TACC1: variants seen among roughly 807,000 people sequenced by gnomAD.
TACC1 encodes transforming acidic coiled-coil-containing protein 1.
Under a neutral mutation model 84.4 loss-of-function variants are expected in TACC1, and 48 were observed. The ratio of observed to expected loss-of-function variants is 0.57; its 90% confidence interval spans 0.45 to 0.72. The LOEUF (loss-of-function observed/expected upper bound fraction) is 0.72. TACC1 is among the 30% of genes least tolerant of loss of function. The pLI, the probability that TACC1 is intolerant of heterozygous loss-of-function variation, is 0.00. For missense variants in TACC1, 920 were observed against 973.0 expected, an observed-to-expected ratio of 0.95 and a Z score of 0.72; for synonymous variants, 372 against 376.3, an observed-to-expected ratio of 0.99 and a Z score of 0.13.
chr8:38,835,713 C>T (rs1406842636), intron 6 of TACC1, among the ~76,000 whole-genome samples: 1 of 152,260 alleles, frequency 6.6e-6, no homozygotes, highest in African/African-American at 2.4e-5. Flanking sequence ...ACATTTCCAT[C>T]TGCAGTGGCT....
At chr8:38,770,496 C>T (rs1468452877) in intron 3 of TACC1, among the ~76,000 whole-genome samples, 3 of 152,082 alleles carry the variant, frequency 2.0e-5, no homozygotes, top group African/African-American at 7.2e-5. Flanking sequence ...TAGTTGAGCT[C>T]TCTTCCACTT....
chr8:38,841,476 A>C (rs1414189267), intron 9 of TACC1, among the ~76,000 whole-genome samples: 1 of 152,232 alleles, frequency 6.6e-6, no homozygotes, highest in Non-Finnish European at 1.5e-5. Context: ...GTCAGCTGAG[A>C]GCGTGCATAT....
intron 2 of TACC1, chr8:38,802,082 A>C (rs921383667): frequency 2.0e-5 from 3 of 152,052 alleles, no homozygotes; most frequent in African/African-American, 7.3e-5. Flanking sequence ...GGTAATTTTT[A>C]AATTATTTGT....
chr8:38,757,366 C>G (rs1213674938), intron 3 of TACC1: 3 of 1,263,780 alleles, frequency 2.4e-6, no homozygotes, highest in Non-Finnish European at 3.1e-6. Context: ...CCCGAGGGGC[C>G]GGGAACCCGC....
intron 3 of TACC1, chr8:38,757,381 G>A (rs1193635146): frequency 7.9e-7 from 1 of 1,261,616 alleles, no homozygotes; most frequent in African/African-American, 1.6e-5. Flanking sequence ...ACCCGCCGGG[G>A]AGAGGCACCC....
intron 3 of TACC1, among the ~76,000 whole-genome samples, chr8:38,776,231 T>C (rs1188217861): frequency 6.6e-6 from 1 of 152,234 alleles, no homozygotes; most frequent in Non-Finnish European, 1.5e-5. Context: ...TTTGTCCACA[T>C]CAGTCATCTT....
In TACC1 at chr8:38,846,730, A is replaced by C. The variant is rs1395139491; in HGVS notation, c.2260A>C (p.Lys754Gln). 2 of 1,614,210 alleles carry C rather than the reference A, an allele frequency of 1.2e-6. No individual in the cohort carries two copies. The highest frequency in any genetic ancestry group is 1.7e-6 in the Non-Finnish European group (2 of 1,180,040). The change falls in exon 12 of 13, where the codon AAA (lysine) becomes CAA (glutamine). Residue 754 changes from lysine (K) to glutamine (Q), a missense_variant. Lys to Gln is a moderately conservative substitution (Grantham distance 53). This residue lies in a region of TACC1 where 158 missense variants were observed against 225.6 expected (regional missense o/e 0.70). Transcript: ENST00000317827. Reference protein sequence around the residue: ...ANEEIAQVRTKAKAESAALHA... With the variant: ...ANEEIAQVRTQAKAESAALHA... ...TGAAGAGATTGCTCAGGTTCGAACA[A>C]AAGCAAAGGCTGAGAGTGCAGCTCT...
Position 38,781,986 on chromosome 8 carries a change from T to A in TACC1, c.27-6718T>A, listed in dbSNP as rs944967806. Among the ~76,000 whole-genome samples, 114 of 150,606 alleles carry A rather than the reference T, an allele frequency of 7.6e-4. 2 individuals carry two copies. The highest frequency in any genetic ancestry group is 7.3e-3 in the Admixed American group (111 of 15,258). On this transcript the variant is annotated intron_variant, in intron 3 of 14. Transcript: ENST00000518415. ...CATTCTTGTAAATCTTTATTTTTTT[T>A]ATTTTTTATTATTTTTTTTTGCAGA...
chr8:38,825,438 G>T (rs1329834003), intron 4 of TACC1, 70 bp downstream of exon 4: 2 of 1,577,026 alleles, frequency 1.3e-6, no homozygotes, highest in East Asian at 2.2e-5. Flanking sequence ...GCATCCCCCT[G>T]GCGGGTGGTT....
intron 3 of TACC1, among the ~76,000 whole-genome samples, chr8:38,776,739 C>T (rs577631816): frequency 6.6e-6 from 1 of 152,304 alleles, no homozygotes; most frequent in Non-Finnish European, 1.5e-5. Flanking sequence ...ATTAGGGATG[C>T]TCAACCTGTG....
exon 3 of TACC1, chr8:38,745,259 AAC>A (rs1807845633): frequency 2.1e-6 from 1 of 480,208 alleles, no homozygotes; most frequent in Non-Finnish European, 3.7e-6. Flanking sequence ...CCTCCCCAGA[AAC>A]AGAGCTCGCA....
At chr8:38,734,120 C>T (rs959160814) in intron 1 of TACC1, among the ~76,000 whole-genome samples, 2 of 152,130 alleles carry the variant, frequency 1.3e-5, no homozygotes, top group Non-Finnish European at 2.9e-5. Flanking sequence ...GGAGGGCTTC[C>T]ACATCTTCTG....
intron 9 of TACC1, chr8:38,840,512 C>T: frequency 3.1e-6 from 1 of 325,308 alleles, no homozygotes; most frequent in East Asian, 5.3e-5. Flanking sequence ...GACATAATCA[C>T]CTCCCAAATT....
intron 7 of TACC1, among the ~76,000 whole-genome samples, chr8:38,838,058 T>C (rs1168026102): frequency 6.6e-6 from 1 of 152,268 alleles, no homozygotes. Flanking sequence ...GGTCTGACTT[T>C]GTGGCAGTTT....
rs1297937636 is a variant in TACC1 at position 38,849,964 on chromosome 8, T to A, written c.*1941T>A. ...GCATTTTGCAGAAAGAAACATTGAT[T>A]GCTAAATCTTTTTGCTGCTGTGTTT... On this transcript the variant is annotated 3_prime_UTR_variant, in exon 13 of 13. Coordinates refer to ENST00000317827, the MANE Select transcript of TACC1 (RefSeq NM_006283.3). 6.5e-6 allele frequency: 1 copy of A among 152,684 alleles called. No homozygotes were observed. The highest frequency in any genetic ancestry group is 1.5e-5 in the Non-Finnish European group (1 of 68,046). The allele number at this position is 152,684 out of a possible 1,614,324, so 9.5% of individuals were successfully genotyped here. A position where few individuals can be genotyped will look rare whatever the true frequency, so the allele number is the denominator to read the frequency against.
intron 1 of TACC1, among the ~76,000 whole-genome samples, chr8:38,729,869 A>C (rs1309240170): frequency 1.6e-5 from 2 of 123,292 alleles, no homozygotes; most frequent in East Asian, 3.9e-4. Flanking sequence ...ACTGTCTCAA[A>C]AAAGAAAAGA....
At chr8:38,811,792 C>T (rs866972905) in intron 2 of TACC1, among the ~76,000 whole-genome samples, 41 of 152,192 alleles carry the variant, frequency 2.7e-4, no homozygotes, top group Admixed American at 1.1e-3. Flanking sequence ...AGCGATTTTC[C>T]GGGAACAAGG....
At chr8:38,762,236 C>T (rs1811349005) in intron 3 of TACC1, among the ~76,000 whole-genome samples, 1 of 152,140 alleles carries the variant, frequency 6.6e-6, no homozygotes, top group African/African-American at 2.4e-5. Flanking sequence ...ACTTTTTCAG[C>T]ATCCCAAACA....
chr8:38,773,495 A>G (rs1814087290), intron 3 of TACC1, among the ~76,000 whole-genome samples: 1 of 150,382 alleles, frequency 6.6e-6, no homozygotes. Context: ...TAATAAAATC[A>G]ATAAATATTT....
Sources: allele counts gnomAD v4.1 joint callset (sites outside exome capture counted in the v4.1 genomes callset), GRCh38; gene constraint gnomAD v4.1.1; regional missense constraint gnomAD v4.1.1; transcripts MANE v1.5; gene names NCBI Gene and HGNC (gene_info 2026-07-23, HGNC 2026-07-21).